Variants in MTUS2 observed in about 807,000 individuals in gnomAD.
The protein encoded by MTUS2 is microtubule-associated tumor suppressor candidate 2.
A neutral mutation model predicts 114.1 loss-of-function variants in MTUS2; 40 were observed. That is an observed-to-expected ratio of 0.35 (90% confidence interval 0.27 to 0.46). The LOEUF (loss-of-function observed/expected upper bound fraction) is 0.46, where lower values mean the gene tolerates loss of function less well. MTUS2 is among the 20% of genes least tolerant of loss of function. The pLI is 1.00. For synonymous variants in MTUS2, 688 were observed against 672.0 expected (o/e 1.02, Z -0.37); for missense variants, 1,679 against 1,705.4 (o/e 0.98, Z 0.27).
intron 2 of MTUS2, among the ~76,000 whole-genome samples, chr13:28,907,727 A>G (rs1018944663): frequency 2.0e-5 from 3 of 151,672 alleles, no homozygotes; most frequent in African/African-American, 4.9e-5. Flanking sequence ...TATGCACCCA[A>G]TACAGGAGCA....
At chr13:28,991,348 ACT>A (rs906556889) in intron 2 of MTUS2, among the ~76,000 whole-genome samples, 1 of 149,224 alleles carries the variant, frequency 6.7e-6, no homozygotes, top group African/African-American at 2.5e-5. Context: ...CAGTTATGAA[ACT>A]CAGGTTTGTC....
chr13:28,947,590 G>A (rs1444835487), intron 2 of MTUS2, among the ~76,000 whole-genome samples: 1 of 151,994 alleles, frequency 6.6e-6, no homozygotes, highest in Non-Finnish European at 1.5e-5. Context: ...AATTATAAGC[G>A]AGCTCCTCTT....
intron 9 of MTUS2, among the ~76,000 whole-genome samples, chr13:29,444,145 T>C (rs1214751608): frequency 6.6e-6 from 1 of 152,166 alleles, no homozygotes; most frequent in Non-Finnish European, 1.5e-5. Flanking sequence ...GCATCTGGAC[T>C]GAGCACAGCG....
chr13:29,374,940 TAAG>T (rs1566162300), intron 8 of MTUS2, among the ~76,000 whole-genome samples: 3 of 151,696 alleles, frequency 2.0e-5, no homozygotes, highest in African/African-American at 7.3e-5. Flanking sequence ...AAAAATAAAA[TAAG>T]AAGATGAAAT....
At chr13:28,821,713 CA>C (rs1424346672) in intron 1 of MTUS2, among the ~76,000 whole-genome samples, 14 of 152,314 alleles carry the variant, frequency 9.2e-5, no homozygotes, top group African/African-American at 3.1e-4. Flanking sequence ...AACGTGTAGC[CA>C]GGGGTGAGAC....
chr13:29,204,967 A>G (rs1895123275), intron 5 of MTUS2, among the ~76,000 whole-genome samples: 1 of 152,070 alleles, frequency 6.6e-6, no homozygotes, highest in Non-Finnish European at 1.5e-5. Context: ...GGGAAGCTCA[A>G]GCCTCCCTCC....
At chr13:29,062,539 A>C (rs1888470602) in intron 4 of MTUS2, among the ~76,000 whole-genome samples, 1 of 152,216 alleles carries the variant, frequency 6.6e-6, no homozygotes, top group Admixed American at 6.5e-5. Context: ...ACATATTTCC[A>C]ACCTCAAGTG....
At chr13:29,406,597 A>G (rs571249308) in intron 8 of MTUS2, among the ~76,000 whole-genome samples, 2 of 152,286 alleles carry the variant, frequency 1.3e-5, no homozygotes, top group South Asian at 4.1e-4. Context: ...ACATACCATC[A>G]CCTCTGCTAT....
intron 4 of MTUS2, among the ~76,000 whole-genome samples, chr13:29,078,700 C>T (rs939317533): frequency 5.3e-5 from 8 of 152,250 alleles, no homozygotes; most frequent in Admixed American, 3.9e-4. Flanking sequence ...TTGGGCATTT[C>T]GTGTAATGGA....
At chr13:29,234,256 T>C (rs533682799) in intron 5 of MTUS2, among the ~76,000 whole-genome samples, 1 of 152,316 alleles carries the variant, frequency 6.6e-6, no homozygotes, top group African/African-American at 2.4e-5. Context: ...GGGGCTTCAG[T>C]AGTGTACAGA....
chr13:29,300,441 G>A (rs971802970), intron 6 of MTUS2, among the ~76,000 whole-genome samples: 2 of 152,152 alleles, frequency 1.3e-5, no homozygotes, highest in African/African-American at 4.8e-5. Context: ...TGGTCTTTTG[G>A]AGCTGAGTTT....
At chr13:28,897,053 G>T (rs1320844520) in intron 2 of MTUS2, among the ~76,000 whole-genome samples, 2 of 152,168 alleles carry the variant, frequency 1.3e-5, no homozygotes, top group Non-Finnish European at 2.9e-5. Flanking sequence ...TTGACAAATG[G>T]GATCTAATGA....
intron 5 of MTUS2, among the ~76,000 whole-genome samples, chr13:29,224,469 T>C (rs1389660837): frequency 6.6e-6 from 1 of 152,186 alleles, no homozygotes; most frequent in East Asian, 1.9e-4. Context: ...CCATCTGGAC[T>C]GTTTTTATTT....
chr13:28,974,475 T>C (rs1883998393), intron 2 of MTUS2, among the ~76,000 whole-genome samples: 1 of 152,204 alleles, frequency 6.6e-6, no homozygotes, highest in Non-Finnish European at 1.5e-5. Flanking sequence ...ACACCAATGT[T>C]GATTCCTTAT....
intron 9 of MTUS2, among the ~76,000 whole-genome samples, chr13:29,455,666 G>C (rs1369106441): frequency 6.6e-6 from 1 of 152,082 alleles, no homozygotes; most frequent in African/African-American, 2.4e-5. Context: ...CTATAATCAA[G>C]GAAAAAAGTA....
chr13:29,345,919 A>G (rs1433235924), intron 7 of MTUS2, among the ~76,000 whole-genome samples: 3 of 151,806 alleles, frequency 2.0e-5, no homozygotes, highest in Non-Finnish European at 2.9e-5. Flanking sequence ...AGTTATTGTT[A>G]TATTTTTTCT....
intron 8 of MTUS2, among the ~76,000 whole-genome samples, chr13:29,413,204 G>A (rs911068170): frequency 6.6e-6 from 1 of 152,018 alleles, no homozygotes; most frequent in African/African-American, 2.4e-5. Flanking sequence ...TTCAGACTTG[G>A]GCATCTTTTA....
At chr13:28,935,860 C>T (rs916555848) in intron 2 of MTUS2, among the ~76,000 whole-genome samples, 4 of 152,052 alleles carry the variant, frequency 2.6e-5, no homozygotes, top group Non-Finnish European at 5.9e-5. Context: ...GATCCTCTTA[C>T]CTCAACCTCC....
At chr13:29,234,346 C>G (rs917556418) in intron 5 of MTUS2, among the ~76,000 whole-genome samples, 1 of 152,074 alleles carries the variant, frequency 6.6e-6, no homozygotes, top group African/African-American at 2.4e-5. Flanking sequence ...GGTAAATGCA[C>G]ATAGACTTGT....
Sources: gnomAD v4.1 joint callset for allele counts (sites outside exome capture counted in the v4.1 genomes callset) on GRCh38, gnomAD v4.1.1 for gene constraint, MANE v1.5 for transcripts, NCBI Gene and HGNC (gene_info 2026-07-23, HGNC 2026-07-21) for gene names.